The following SLC22A9 variants were observed in gnomAD, a reference collection of about 807,000 sequenced individuals.
The protein encoded by SLC22A9 is solute carrier family 22 member 9.
SLC22A9 carries 64 observed loss-of-function variants against 50.1 expected under a neutral mutation model. The ratio of observed to expected loss-of-function variants is 1.28; its 90% CI spans 1.04 to 1.57. The LOEUF is 1.57. Among genes scored for constraint, SLC22A9 ranks in the 40% most tolerant of loss-of-function variants. The probability of loss-of-function intolerance (pLI) is 0.00; values close to 1 mark genes in which losing one functional copy is unlikely to be tolerated. For missense variants in SLC22A9, 757 were observed against 676.1 expected, an observed-to-expected ratio of 1.12 and a Z score of -1.33; for synonymous variants, 261 against 242.5, an observed-to-expected ratio of 1.08 and a Z score of -0.71.
At chr11:63,382,831 A>G (rs1219784957) in intron 6 of SLC22A9, among the ~76,000 whole-genome samples, 1 of 152,194 alleles carries the variant, frequency 6.6e-6, no homozygotes, top group Non-Finnish European at 1.5e-5. Context: ...AGATGTTGTA[A>G]AACAATAGAT....
At chr11:63,385,106 GT>G (rs149124193) in intron 6 of SLC22A9, among the ~76,000 whole-genome samples, 11,888 of 75,666 alleles carry the variant, frequency 0.16, 489 homozygotes, top group East Asian at 0.35. Flanking sequence ...TGATGATACA[GT>G]TTTTTTTTTT....
chr11:63,377,991 G>GAATC (rs914860543), intron 5 of SLC22A9, among the ~76,000 whole-genome samples: 6 of 151,906 alleles, frequency 3.9e-5, no homozygotes, highest in Non-Finnish European at 8.8e-5. Context: ...TCCCAATATT[G>GAATC]AATCAGAAAT....
intron 4 of SLC22A9, among the ~76,000 whole-genome samples, chr11:63,375,074 C>A (rs541206016): frequency 6.6e-6 from 1 of 152,262 alleles, no homozygotes; most frequent in African/African-American, 2.4e-5. Context: ...TAAGCAAACT[C>A]CCTGTCAGGC....
chr11:63,386,978 G>A (rs949605107), intron 6 of SLC22A9, among the ~76,000 whole-genome samples: 1 of 151,882 alleles, frequency 6.6e-6, no homozygotes, highest in Non-Finnish European at 1.5e-5. Flanking sequence ...TCTTTTAGTT[G>A]TGATGTTAGG....
intron 2 of SLC22A9, among the ~76,000 whole-genome samples, chr11:63,372,353 G>A (rs905894394): frequency 3.9e-5 from 6 of 152,130 alleles, no homozygotes; most frequent in African/African-American, 1.4e-4. Context: ...TTAATAATAG[G>A]TTAATAAATA....
At chr11:63,375,874 T>C in intron 5 of SLC22A9, 106 bp downstream of exon 5, 1 of 1,408,800 alleles carries the variant, frequency 7.1e-7, no homozygotes, top group Non-Finnish European at 9.6e-7. Flanking sequence ...GAAACACAGG[T>C]ATGGTTATGG....
chr11:63,398,650 C>T (rs1053643713), intron 6 of SLC22A9, among the ~76,000 whole-genome samples: 1 of 152,194 alleles, frequency 6.6e-6, no homozygotes, highest in Non-Finnish European at 1.5e-5. Context: ...TGCTCTCTAT[C>T]CCCCAAGCAC....
intron 1 of SLC22A9, 90 bp from the exon 2 acceptor site, chr11:63,371,045 T>C (rs370565063): frequency 4.4e-6 from 4 of 901,470 alleles, no homozygotes; most frequent in African/African-American, 1.7e-5. Context: ...AGACTTAATA[T>C]TAGGAAACTT....
intron 2 of SLC22A9, among the ~76,000 whole-genome samples, 165 bp from the exon 3 acceptor site, chr11:63,373,479 G>A (rs2014401105): frequency 6.6e-6 from 1 of 152,096 alleles, no homozygotes; most frequent in South Asian, 2.1e-4. Flanking sequence ...TAGAAACAGG[G>A]AACATTGTGT....
intron 6 of SLC22A9, among the ~76,000 whole-genome samples, chr11:63,397,844 G>A (rs2014886610): frequency 6.6e-6 from 1 of 152,114 alleles, no homozygotes; most frequent in Non-Finnish European, 1.5e-5. Context: ...TTGGATTTAT[G>A]GACCCCAAGA....
intron 6 of SLC22A9, among the ~76,000 whole-genome samples, chr11:63,383,218 A>G (rs2014597718): frequency 6.6e-6 from 1 of 152,146 alleles, no homozygotes; most frequent in South Asian, 2.1e-4. Flanking sequence ...TATGTGTCCA[A>G]CATTCTAATT....
At chr11:63,380,802 A>G (rs2014547477) in intron 5 of SLC22A9, among the ~76,000 whole-genome samples, 2 of 152,162 alleles carry the variant, frequency 1.3e-5, no homozygotes. Context: ...CCAAACCCCC[A>G]TGAAACACAA....
At chr11:63,396,524 G>A (rs780435202) in intron 6 of SLC22A9, among the ~76,000 whole-genome samples, 4 of 152,126 alleles carry the variant, frequency 2.6e-5, no homozygotes, top group African/African-American at 7.2e-5. Flanking sequence ...CTGCAGTTTG[G>A]GCACTCATCG....
At chr11:63,383,971 C>G (rs2014613498) in intron 6 of SLC22A9, among the ~76,000 whole-genome samples, 1 of 151,834 alleles carries the variant, frequency 6.6e-6, no homozygotes, top group African/African-American at 2.4e-5. Flanking sequence ...ATCACTTCAA[C>G]CCGGGAGGTG....
intron 8 of SLC22A9, 125 bp downstream of exon 8, chr11:63,408,345 A>T: frequency 1.3e-6 from 1 of 793,854 alleles, no homozygotes; most frequent in South Asian, 1.7e-5. Context: ...TCATAAACAC[A>T]AATAATTATA....
chr11:63,385,246 C>T (rs546909435), intron 6 of SLC22A9, among the ~76,000 whole-genome samples: 21 of 149,556 alleles, frequency 1.4e-4, no homozygotes, highest in Non-Finnish European at 2.5e-4. Context: ...AATACTGTTG[C>T]CTAGATTTAG....
chr11:63,389,753 C>T (rs1045829729), intron 6 of SLC22A9, among the ~76,000 whole-genome samples: 4 of 152,142 alleles, frequency 2.6e-5, no homozygotes, highest in African/African-American at 9.7e-5. Flanking sequence ...TGAGGAATTG[C>T]CACACTGTCT....
rs2015122531 is a variant in SLC22A9 at position 63,410,268 on chromosome 11, G to GGAAAGAAAGAAAGAAAAAAA, written c.*423_*424insAAAGAAAGAAAGAAAGAAAA. ...AAAAAAAAAAAAAAAAAAGAAAGAA[G>GGAAAGAAAGAAAGAAAAAAA]GAAAGAAAGAAAGAAAAGAAAAGAA... is the stretch of plus-strand genomic sequence containing the variant. On this transcript the variant is annotated 3_prime_UTR_variant, in exon 10 of 10. Transcript: ENST00000279178. 2 of 130,324 alleles carry GGAAAGAAAGAAAGAAAAAAA rather than the reference G, an allele frequency of 1.5e-5. No homozygotes were observed. Among genetic ancestry groups the GGAAAGAAAGAAAGAAAAAAA allele is most frequent in the Admixed American group, 7.8e-5 (1 of 12,844 alleles). The allele number at this position is 130,324 out of a possible 1,614,324, so 8.1% of individuals were successfully genotyped here.
chr11:63,406,585 G>A lies in SLC22A9; in HGVS notation c.1162G>A (p.Ala388Thr), dbSNP rs755018473. Residue 388 changes from alanine (A) to threonine (T), a missense_variant, in exon 7 of 10, where the codon GCA becomes ACA. Physicochemically the swap from Ala to Thr is moderately conservative, Grantham distance 58. Coordinates refer to ENST00000279178, the MANE Select transcript of SLC22A9 (RefSeq NM_080866.3). ...TTTCCTGTTGCAGACTCTCTTTGGTGCAGTCATCCTCCTGGCCAACTGTGT... is the reference window on the plus strand; with the variant it reads ...TTTCCTGTTGCAGACTCTCTTTGGTACAGTCATCCTCCTGGCCAACTGTGT... ...NVFLLQTLFGAVILLANCVAP... is the reference protein window; with the variant it reads ...NVFLLQTLFGTVILLANCVAP... 22 of 1,613,856 alleles carry A rather than the reference G, an allele frequency of 1.4e-5. No individual in the cohort carries two copies. Among genetic ancestry groups the A allele is most frequent in the Non-Finnish European group, 1.9e-5 (22 of 1,179,844 alleles).
Sources: gnomAD v4.1 joint callset for allele counts (sites outside exome capture counted in the v4.1 genomes callset) on GRCh38, gnomAD v4.1.1 for gene constraint, MANE v1.5 for transcripts, NCBI Gene and HGNC (gene_info 2026-07-23, HGNC 2026-07-21) for gene names.